DIS3L: variants seen among roughly 807,000 people sequenced by gnomAD.
The protein encoded by DIS3L is DIS3 like exosome 3'-5' exoribonuclease, also known as DIS3-like exonuclease 1.
A neutral mutation model predicts 120.3 loss-of-function variants in DIS3L; 100 were observed. The ratio of observed to expected loss-of-function variants is 0.83; its 90% CI spans 0.71 to 0.98. The LOEUF (loss-of-function observed/expected upper bound fraction) is 0.98, where lower values mean the gene tolerates loss of function less well. DIS3L is among the 50% of genes least tolerant of loss of function. The pLI is 0.00. For missense variants in DIS3L, 1,196 were observed against 1,314.2 expected (o/e 0.91, Z 1.39); for synonymous variants, 426 against 470.6 (o/e 0.91, Z 1.23).
intron 5 of DIS3L, among the ~76,000 whole-genome samples, chr15:66,313,770 T>C (rs1275787011): frequency 8.0e-6 from 1 of 125,604 alleles, no homozygotes; most frequent in Non-Finnish European, 1.9e-5. Flanking sequence ...TGTGTGTGTG[T>C]ATATATATAT....
At chr15:66,320,006 C>A (rs1481278009) in intron 8 of DIS3L, among the ~76,000 whole-genome samples, 1 of 150,702 alleles carries the variant, frequency 6.6e-6, no homozygotes, top group Non-Finnish European at 1.5e-5. Flanking sequence ...CGCTTGTAAT[C>A]CTAGCTATGT....
chr15:66,323,028 G>A, intron 10 of DIS3L, 94 bp downstream of exon 10: 2 of 1,495,318 alleles, frequency 1.3e-6, no homozygotes, highest in African/African-American at 2.8e-5. Flanking sequence ...TCTCATGTTT[G>A]TGCAATTTTG....
At chr15:66,311,521 CT>C (rs1416321709) in intron 4 of DIS3L, among the ~76,000 whole-genome samples, 4 of 152,106 alleles carry the variant, frequency 2.6e-5, no homozygotes, top group African/African-American at 9.7e-5. Flanking sequence ...GGTGGAGTGG[CT>C]TCCTGGGGCT....
intron 8 of DIS3L, among the ~76,000 whole-genome samples, chr15:66,319,469 G>A (rs910404345): frequency 2.0e-5 from 3 of 152,186 alleles, no homozygotes; most frequent in Non-Finnish European, 4.4e-5. Flanking sequence ...ACTCTGCCCT[G>A]TAGGGATGAT....
chr15:66,324,764 C>T (rs905844198), intron 11 of DIS3L, among the ~76,000 whole-genome samples: 2 of 151,914 alleles, frequency 1.3e-5, no homozygotes, highest in East Asian at 1.9e-4. Flanking sequence ...ACCATTTTTT[C>T]GTATGTTTGT....
At position 66,318,094 on chromosome 15, in the gene DIS3L, C is replaced by T. The variant is rs114403806; in HGVS notation, c.995-355C>T. On this transcript the variant is annotated intron_variant, in intron 7 of 16. Transcript: ENST00000319212. The stretch of plus-strand genomic sequence containing the variant: ...GTTCAGGCGATTCTCCTGCCTTAGC[C>T]TCCTAAACAGCTGTGATCACAGGCG... 3.6e-3 allele frequency among the ~76,000 whole-genome samples: 547 copies of T among 152,206 alleles called. 2 individuals are homozygous for T. Among genetic ancestry groups the T allele is most frequent in the African/African-American group, 0.013 (523 of 41,534 alleles).
chr15:66,295,528 G>C (rs530498755), intron 2 of DIS3L, among the ~76,000 whole-genome samples: 2 of 152,304 alleles, frequency 1.3e-5, no homozygotes, highest in South Asian at 2.1e-4. Flanking sequence ...GGGGAAAAGA[G>C]TACTTTATTT....
chr15:66,304,459 AT>A (rs1396066067), intron 2 of DIS3L, among the ~76,000 whole-genome samples: 7 of 152,032 alleles, frequency 4.6e-5, no homozygotes, highest in Non-Finnish European at 1.0e-4. Flanking sequence ...TCTCAAAAAT[AT>A]AGTGTCTTTG....
chr15:66,309,022 T>A (rs1044399947), intron 4 of DIS3L, among the ~76,000 whole-genome samples, 178 bp downstream of exon 4: 32 of 138,508 alleles, frequency 2.3e-4, no homozygotes, highest in African/African-American at 8.7e-4. Context: ...GATGGGAAGA[T>A]CACTTGAGCT....
chr15:66,331,810 G>C, intron 14 of DIS3L, 65 bp from the exon 15 acceptor site: 1 of 1,405,942 alleles, frequency 7.1e-7, no homozygotes, highest in African/African-American at 1.4e-5. Flanking sequence ...GAATGAATAT[G>C]AATTTCGTTT....
At chr15:66,323,357 T>C (rs1380820952) in intron 10 of DIS3L, 136 bp from the exon 11 acceptor site, 3 of 803,994 alleles carry the variant, frequency 3.7e-6, no homozygotes, top group Non-Finnish European at 6.2e-6. Flanking sequence ...CCCAGTCTGC[T>C]GCACTTTATG....
intron 15 of DIS3L, 145 bp downstream of exon 15, chr15:66,332,165 T>G: frequency 1.1e-6 from 1 of 904,216 alleles, no homozygotes; most frequent in East Asian, 3.5e-5. Context: ...AGTATATAAA[T>G]GTGAAGATTG....
intron 2 of DIS3L, among the ~76,000 whole-genome samples, chr15:66,303,197 C>A: frequency 6.6e-6 from 1 of 152,178 alleles, no homozygotes; most frequent in East Asian, 1.9e-4. Context: ...TTTATCCATT[C>A]ATCCATTGAT....
Position 66,315,233 on chromosome 15 carries a change from C to A in DIS3L, c.994+18C>A. 1 of 1,582,068 alleles carries A rather than the reference C, an allele frequency of 6.3e-7. No homozygotes were observed. Among genetic ancestry groups the A allele is most frequent in the Non-Finnish European group, 8.6e-7 (1 of 1,159,220 alleles). The stretch of plus-strand genomic sequence containing the variant: ...GCCTACAGGTGAGCCAGCTGCAGAG[C>A]CACTCCGATGTCCATTTTTCTTGTG... On this transcript the variant is annotated intron_variant, in intron 7 of 16. Coordinates refer to ENST00000319212, the MANE Select transcript of DIS3L (RefSeq NM_001143688.3).
chr15:66,318,569 A>C lies in DIS3L; in HGVS notation c.1115A>C (p.Tyr372Ser). The C allele has an allele frequency of 6.2e-7, 1 of 1,614,112 alleles. No individual in the cohort carries two copies. Among genetic ancestry groups the C allele is most frequent in the African/African-American group, 1.3e-5 (1 of 75,038 alleles). ...AAAATCCTGGTTACACCTTGGGATT[A>C]CAGAATTCCCAAAATTCGAATTAGC... ...AQKILVTPWD[Y>S]RIPKIRISTQ... The change falls in exon 8 of 17, where the codon TAC (tyrosine) becomes TCC (serine). Residue 372 changes from tyrosine to serine, a missense_variant. Transcript: ENST00000319212.
rs372233007 is a variant in DIS3L, at chr15:66,320,780, TTTG to T, written c.1326+57_1326+59del. 2.3e-4 allele frequency: 367 copies of T among 1,577,592 alleles called. 2 individuals are homozygous for T. In the East Asian group the frequency reaches 7.1e-3, roughly 30 times the overall value. ...GATCTAGTGACATTTTCTTTTTGCT[TTTG>T]TTGTTGTTTCATCATTAAGAAAGAA... is the stretch of plus-strand genomic sequence containing the variant. On this transcript the variant is annotated intron_variant, in intron 9 of 16. Transcript: ENST00000319212.
intron 9 of DIS3L, 111 bp from the exon 10 acceptor site, chr15:66,322,576 G>C (rs2092895998): frequency 6.7e-7 from 1 of 1,489,572 alleles, no homozygotes; most frequent in Middle Eastern, 1.8e-4. Flanking sequence ...TGATGAAGAA[G>C]GTAATTGAGA....
Position 66,314,120 on chromosome 15 carries a change from T to C in DIS3L, c.814+3T>C. ...AGGAGCCAGCAGTAAAGATTCAGGT[T>C]CAGTATAAACCTTACATAAATTTCC... is the stretch of plus-strand genomic sequence containing the variant. On this transcript the variant is annotated splice_donor_region_variant and intron_variant, in intron 6 of 16. Transcript: ENST00000319212. The C allele has an allele frequency of 6.7e-7, 1 of 1,501,422 alleles. No individual in the cohort carries two copies. The highest frequency in any genetic ancestry group is 8.8e-7 in the Non-Finnish European group (1 of 1,132,014). 93.0% of individuals were successfully genotyped at this position (1,501,422 alleles called of 1,614,324 possible). A position where few individuals can be genotyped will look rare whatever the true frequency, so the allele number is the denominator to read the frequency against.
chr15:66,294,031 G>T, intron 1 of DIS3L: 1 of 987,882 alleles, frequency 1.0e-6, no homozygotes. Context: ...CCTCAGAGGG[G>T]CCTGAGGGCG....
Sources: allele counts gnomAD v4.1 joint callset (sites outside exome capture counted in the v4.1 genomes callset), GRCh38; gene constraint gnomAD v4.1.1; transcripts MANE v1.5; gene names NCBI Gene and HGNC (gene_info 2026-07-23, HGNC 2026-07-21).